ABCA1: variants seen among roughly 807,000 people sequenced by gnomAD.
ABCA1 encodes phospholipid-transporting ATPase ABCA1.
ABCA1 carries 133 observed loss-of-function variants against 262.5 expected under a neutral mutation model. That is an observed-to-expected ratio of 0.51 (90% CI 0.44 to 0.59). The LOEUF (loss-of-function observed/expected upper bound fraction) is 0.59, where lower values mean the gene tolerates loss of function less well. Among genes scored for constraint, ABCA1 ranks in the 20% least tolerant of loss-of-function variants. The pLI is 0.00. For synonymous variants in ABCA1, 1,022 were observed against 1,043.5 expected, an observed-to-expected ratio of 0.98 and a Z score of 0.40; for missense variants, 2,452 against 2,777.5, an observed-to-expected ratio of 0.88 and a Z score of 2.63.
intron 46 of ABCA1, 49 bp downstream of exon 46, chr9:104,787,871 T>G: frequency 6.2e-7 from 1 of 1,613,836 alleles, no homozygotes; most frequent in East Asian, 2.2e-5. Context: ...AACAGTCATG[T>G]TTTCCACTCA....
At chr9:104,809,757 G>A (rs987148017) in intron 29 of ABCA1, among the ~76,000 whole-genome samples, 193 bp from the exon 30 acceptor site, 3 of 152,098 alleles carry the variant, frequency 2.0e-5, no homozygotes, top group South Asian at 2.1e-4. Context: ...TCAGGGTGAC[G>A]TAGAGCACTC....
chr9:104,885,670 C>A (rs1028002256), intron 3 of ABCA1, among the ~76,000 whole-genome samples: 1 of 152,148 alleles, frequency 6.6e-6, no homozygotes, highest in Non-Finnish European at 1.5e-5. Context: ...TCCTAGGATT[C>A]GGTCTGGCAC....
In ABCA1 at chr9:104,847,163, G is replaced by A. The variant is rs76258722; in HGVS notation, c.721-1594C>T. ...CTAAATTTAAGAAAAACTTAAAAAC[G>A]TGGTAGTTAATCCACTTCTTTTATA... On this transcript the variant is annotated intron_variant, in intron 7 of 49. Transcript: ENST00000374736. Among the ~76,000 whole-genome samples, 1,248 of 152,162 alleles carry A rather than the reference G, an allele frequency of 8.2e-3. 14 individuals carry two copies. Among genetic ancestry groups the A allele is most frequent in the African/African-American group, 0.028 (1,177 of 41,512 alleles).
intron 7 of ABCA1, among the ~76,000 whole-genome samples, chr9:104,850,645 C>T (rs1009934832): frequency 6.6e-6 from 1 of 152,182 alleles, no homozygotes; most frequent in Admixed American, 6.5e-5. Flanking sequence ...GAAACTAGAA[C>T]ACAAAATACG....
chr9:104,819,876 G>A (rs1267499313), intron 21 of ABCA1, 51 bp downstream of exon 21: 4 of 1,609,054 alleles, frequency 2.5e-6, no homozygotes, highest in Non-Finnish European at 3.4e-6. Flanking sequence ...CCGCATGTGT[G>A]TAGCCGGAGG....
chr9:104,885,515 C>T (rs1394791773), intron 3 of ABCA1, among the ~76,000 whole-genome samples: 1 of 152,180 alleles, frequency 6.6e-6, no homozygotes, highest in Non-Finnish European at 1.5e-5. Context: ...ATCTGTGAAG[C>T]TTCGGGGGTT....
intron 2 of ABCA1, among the ~76,000 whole-genome samples, chr9:104,893,421 C>CAAAAAAAAAAAAAAAAAAAA (rs34544647): frequency 1.7e-4 from 6 of 35,264 alleles, no homozygotes; most frequent in Non-Finnish European, 2.8e-4. Context: ...GACTTCACCT[C>CAAAAAAAAAAAAAAAAAAAA]AAAAAAAAAA....
intron 2 of ABCA1, 129 bp downstream of exon 2, chr9:104,903,485 G>T: frequency 2.0e-6 from 2 of 991,846 alleles, no homozygotes; most frequent in Non-Finnish European, 3.1e-6. Context: ...GTCCATAAGA[G>T]CCAGATTCCA....
chr9:104,886,506 C>G (rs541368222), intron 3 of ABCA1, among the ~76,000 whole-genome samples: 28 of 152,156 alleles, frequency 1.8e-4, no homozygotes, highest in Non-Finnish European at 3.4e-4. Context: ...GGCCCCTTGC[C>G]TAAGTCAGCT....
chr9:104,881,890 C>T (rs1189056429), intron 5 of ABCA1, among the ~76,000 whole-genome samples: 1 of 152,028 alleles, frequency 6.6e-6, no homozygotes, highest in African/African-American at 2.4e-5. Context: ...ACACTCCAAG[C>T]ACAGCCATAC....
chr9:104,860,066 A>AC (rs1162687586), intron 6 of ABCA1, among the ~76,000 whole-genome samples: 1 of 151,918 alleles, frequency 6.6e-6, no homozygotes, highest in African/African-American at 2.4e-5. Flanking sequence ...AAAAAAAAAA[A>AC]AAAAAAGAAT....
At chr9:104,810,141 CATATATATA>C (rs1357527246) in intron 29 of ABCA1, among the ~76,000 whole-genome samples, 1 of 126,854 alleles carries the variant, frequency 7.9e-6, no homozygotes, top group East Asian at 2.4e-4. Context: ...ATTCACATTA[CATATATATA>C]TATATATATA....
chr9:104,926,509 A>G (rs896278945), intron 1 of ABCA1, among the ~76,000 whole-genome samples: 11 of 150,470 alleles, frequency 7.3e-5, no homozygotes, highest in Non-Finnish European at 1.6e-4. Context: ...CCTCAACCTC[A>G]TAGTTCCTCC....
At chr9:104,823,263 T>G (rs748123231) in intron 18 of ABCA1, among the ~76,000 whole-genome samples, 3 of 152,332 alleles carry the variant, frequency 2.0e-5, no homozygotes, top group Middle Eastern at 6.8e-3. Context: ...TTTCTGCAGC[T>G]TGACTGAGCT....
At chr9:104,910,129 G>A (rs1841408471) in intron 1 of ABCA1, among the ~76,000 whole-genome samples, 1 of 152,170 alleles carries the variant, frequency 6.6e-6, no homozygotes. Flanking sequence ...GCAGGTTCCA[G>A]AAGAGGGAAG....
At position 104,827,071 on chromosome 9, in the gene ABCA1, T is replaced by C. The variant is rs1271702064; in HGVS notation, c.2214A>G (p.Thr738=). The C allele has an allele frequency of 2.5e-6, 4 of 1,613,944 alleles. No homozygotes were observed. The highest frequency in any genetic ancestry group is 1.7e-6 in the Non-Finnish European group (2 of 1,179,986). Reference sequence around the variant, plus strand: ...CTGCCAGGTTGGCTCTGGAGAAGAGTGTGCTAATCAGGAAGCACTGCAGGA... The same window carrying C: ...CTGCCAGGTTGGCTCTGGAGAAGAGCGTGCTAATCAGGAAGCACTGCAGGA... ...VTILQCFLIS[T]LFSRANLAAA... Residue 738 remains threonine, a synonymous_variant, in exon 16 of 50, where the codon ACA becomes ACG. Coordinates refer to ENST00000374736, the MANE Select transcript of ABCA1 (RefSeq NM_005502.4).
At chr9:104,841,283 C>G (rs1233906569) in intron 8 of ABCA1, among the ~76,000 whole-genome samples, 1 of 151,822 alleles carries the variant, frequency 6.6e-6, no homozygotes, top group Non-Finnish European at 1.5e-5. Context: ...TAAAAAAATA[C>G]AAAAATGTTG....
chr9:104,826,904 G>C (rs780265200), intron 16 of ABCA1, 44 bp downstream of exon 16: 1 of 1,565,732 alleles, frequency 6.4e-7, no homozygotes, highest in Non-Finnish European at 8.8e-7. Context: ...TCCAAAGGAA[G>C]GTCAAATGCC....
rs775863046 is a variant in ABCA1, at chr9:104,820,001, G to T, written c.3029C>A (p.Ala1010Glu). The T allele has an allele frequency of 6.2e-7, 1 of 1,614,002 alleles. No homozygotes were observed. The highest frequency in any genetic ancestry group is 1.7e-5 in the Admixed American group (1 of 60,008). Residue 1010 changes from alanine to glutamate, a missense_variant, in exon 21 of 50, where the codon GCG (alanine) becomes GAG (glutamate). Transcript: ENST00000374736. ...LKGLSEKHVK[A>E]EMEQMALDVG... ...ATCCAGGGCCATCTGCTCCATCTCC[G>T]CCTTCACGTGCTTCTCAGAGAGCCC...
Sources: gnomAD v4.1 joint callset for allele counts (sites outside exome capture counted in the v4.1 genomes callset) on GRCh38, gnomAD v4.1.1 for gene constraint, MANE v1.5 for transcripts, NCBI Gene and HGNC (gene_info 2026-07-23, HGNC 2026-07-21) for gene names.